ZNF536: variants seen among roughly 807,000 people sequenced by gnomAD.
ZNF536 encodes zinc finger protein 536.
A neutral mutation model predicts 84.5 loss-of-function variants in ZNF536; 13 were observed. That is an observed-to-expected ratio of 0.15 (90% confidence interval 0.10 to 0.24). The LOEUF (loss-of-function observed/expected upper bound fraction) is 0.24. ZNF536 is among the 10% of genes least tolerant of loss of function. The pLI, the probability that ZNF536 is intolerant of heterozygous loss-of-function variation, is 1.00. For missense variants in ZNF536, 1,536 were observed against 1,747.5 expected (o/e 0.88, Z 2.16); for synonymous variants, 811 against 742.5 (o/e 1.09, Z -1.50).
intron 2 of ZNF536, among the ~76,000 whole-genome samples, chr19:30,450,233 A>T (rs1013534289): frequency 6.6e-6 from 1 of 152,072 alleles, no homozygotes; most frequent in African/African-American, 2.4e-5. Flanking sequence ...GGTCATTATC[A>T]TTCGCTGGTT....
At chr19:30,621,786 G>A (rs1032566709) in intron 1 of ZNF536, among the ~76,000 whole-genome samples, 6 of 152,230 alleles carry the variant, frequency 3.9e-5, no homozygotes, top group Admixed American at 2.6e-4. Flanking sequence ...ATTCAGCTCT[G>A]CAGCTGCTTA....
At chr19:30,339,602 C>T (rs978252860) in intron 2 of ZNF536, among the ~76,000 whole-genome samples, 7 of 152,162 alleles carry the variant, frequency 4.6e-5, no homozygotes, top group African/African-American at 1.4e-4. Flanking sequence ...CTAGGATGGT[C>T]CCTGGGCTGG....
intron 1 of ZNF536, among the ~76,000 whole-genome samples, chr19:30,243,760 ATAG>A (rs1385637226): frequency 6.6e-6 from 1 of 152,258 alleles, no homozygotes; most frequent in African/African-American, 2.4e-5. Flanking sequence ...GTGTCAACAA[ATAG>A]TAGTTTTAAC....
intron 1 of ZNF536, among the ~76,000 whole-genome samples, chr19:30,680,979 T>C (rs2050945756): frequency 6.6e-6 from 1 of 152,204 alleles, no homozygotes; most frequent in African/African-American, 2.4e-5. Flanking sequence ...ATTGTGGTTT[T>C]GATCTGCATT....
intron 2 of ZNF536, among the ~76,000 whole-genome samples, chr19:30,468,431 G>C (rs1009070086): frequency 1.3e-5 from 2 of 152,162 alleles, no homozygotes; most frequent in Non-Finnish European, 2.9e-5. Flanking sequence ...CTGCCTGCAT[G>C]GGGTCCTGTG....
chr19:30,484,641 T>C (rs1023915253), intron 2 of ZNF536, among the ~76,000 whole-genome samples: 1 of 151,710 alleles, frequency 6.6e-6, no homozygotes, highest in Non-Finnish European at 1.5e-5. Context: ...TTCGTTTCTT[T>C]GAGCAAGTAG....
chr19:30,590,924 G>A (rs1273124199), intron 1 of ZNF536, among the ~76,000 whole-genome samples: 1 of 152,230 alleles, frequency 6.6e-6, no homozygotes, highest in East Asian at 1.9e-4. Context: ...CTGGCAAGGG[G>A]CAAAGGGCAC....
Position 30,517,596 on chromosome 19 carries a change from C to A in ZNF536, c.2171-17251C>A, listed in dbSNP as rs556158481. 1.2e-4 allele frequency among the ~76,000 whole-genome samples: 18 copies of A among 152,160 alleles called. 1 individual carries two copies. The South Asian group carries it at 3.5e-3, about 30-fold the overall frequency. Reference sequence around the variant, plus strand: ...ATGTTAAAAACAAACTTATAGCCTGCGTGACATAGTGAAATCCTGTCTCTA... The same window carrying A: ...ATGTTAAAAACAAACTTATAGCCTGAGTGACATAGTGAAATCCTGTCTCTA... On this transcript the variant is annotated intron_variant, in intron 2 of 4. Coordinates refer to ENST00000355537, the MANE Select transcript of ZNF536 (RefSeq NM_014717.3).
chr19:30,245,803 C>T (rs1001210612), intron 1 of ZNF536, among the ~76,000 whole-genome samples: 1 of 152,076 alleles, frequency 6.6e-6, no homozygotes, highest in Non-Finnish European at 1.5e-5. Context: ...CCTCGGGGGC[C>T]TTTTCTCTGA....
At chr19:30,342,154 G>A (rs1442617760) in intron 2 of ZNF536, among the ~76,000 whole-genome samples, 1 of 152,176 alleles carries the variant, frequency 6.6e-6, no homozygotes, top group African/African-American at 2.4e-5. Flanking sequence ...TACTGGTGAT[G>A]GGATTAAATT....
At chr19:30,655,053 T>C (rs752186626) in intron 1 of ZNF536, among the ~76,000 whole-genome samples, 1 of 152,230 alleles carries the variant, frequency 6.6e-6, no homozygotes, top group Non-Finnish European at 1.5e-5. Context: ...CGAAGCACTC[T>C]GTTCTTAGGG....
intron 2 of ZNF536, among the ~76,000 whole-genome samples, chr19:30,332,122 G>T (rs1049374354): frequency 6.6e-6 from 1 of 152,120 alleles, no homozygotes; most frequent in Admixed American, 6.5e-5. Flanking sequence ...AGCATGCCAT[G>T]TGCCAACTGC....
At chr19:30,646,677 C>T (rs1372548520) in intron 1 of ZNF536, among the ~76,000 whole-genome samples, 2 of 152,162 alleles carry the variant, frequency 1.3e-5, no homozygotes, top group African/African-American at 4.8e-5. Context: ...TGGCTCTGCC[C>T]CCCTTTTGGT....
chr19:30,456,308 CT>C (rs11301441), intron 2 of ZNF536, among the ~76,000 whole-genome samples: 47,909 of 108,290 alleles, frequency 0.44, 7,426 homozygotes, highest in Non-Finnish European at 0.5. Flanking sequence ...TGTTTCTTTT[CT>C]TTTTTTTTTT....
At chr19:30,454,041 G>C (rs2052728361) in intron 2 of ZNF536, among the ~76,000 whole-genome samples, 3 of 152,262 alleles carry the variant, frequency 2.0e-5, no homozygotes, top group African/African-American at 7.2e-5. Context: ...TGGGCATGAG[G>C]ACGGGCTTGG....
At chr19:30,330,165 T>C (rs1370003732) in intron 2 of ZNF536, among the ~76,000 whole-genome samples, 5 of 152,212 alleles carry the variant, frequency 3.3e-5, no homozygotes, top group Non-Finnish European at 7.3e-5. Flanking sequence ...ATAGATCACA[T>C]ACTTTATTCA....
chr19:30,535,259 G>A (rs145738364), intron 3 of ZNF536, among the ~76,000 whole-genome samples: 204 of 152,288 alleles, frequency 1.3e-3, no homozygotes, highest in Admixed American at 0.011. Flanking sequence ...ACTGGGTCGC[G>A]TCTGAGCCTC....
At chr19:30,308,905 T>C (rs1416747010) in intron 2 of ZNF536, among the ~76,000 whole-genome samples, 2 of 152,174 alleles carry the variant, frequency 1.3e-5, no homozygotes, top group African/African-American at 2.4e-5. Context: ...CGCTTGAGAA[T>C]TTCTTATGAT....
At chr19:30,313,997 T>C (rs1378417698) in intron 2 of ZNF536, among the ~76,000 whole-genome samples, 2 of 152,210 alleles carry the variant, frequency 1.3e-5, no homozygotes, top group African/African-American at 4.8e-5. Flanking sequence ...TGGCAACTAC[T>C]CCAACGCTCC....
Sources: allele counts gnomAD v4.1 joint callset (sites outside exome capture counted in the v4.1 genomes callset), GRCh38; gene constraint gnomAD v4.1.1; transcripts MANE v1.5; gene names NCBI Gene and HGNC (gene_info 2026-07-23, HGNC 2026-07-21).